GTPBP10: variants seen among roughly 807,000 people sequenced by gnomAD.
The protein encoded by GTPBP10 is GTP binding protein 10.
GTPBP10 carries 38 observed loss-of-function variants against 44.8 expected under a neutral mutation model. The ratio of observed to expected loss-of-function variants is 0.85; its 90% CI spans 0.65 to 1.11. The LOEUF (loss-of-function observed/expected upper bound fraction) is 1.11, where lower values mean the gene tolerates loss of function less well. Among genes scored for constraint, GTPBP10 ranks in the 50% most tolerant of loss-of-function variants. The pLI, the probability that GTPBP10 is intolerant of heterozygous loss-of-function variation, is 0.00. For missense variants in GTPBP10, 462 were observed against 453.7 expected, an observed-to-expected ratio of 1.02 and a Z score of -0.17; for synonymous variants, 152 against 150.6, an observed-to-expected ratio of 1.01 and a Z score of -0.07.
chr7:90,367,036 C>G (rs540255616), intron 4 of GTPBP10, among the ~76,000 whole-genome samples: 2 of 152,112 alleles, frequency 1.3e-5, no homozygotes, highest in African/African-American at 4.8e-5. Context: ...GCCTTCATTT[C>G]GTTATGTACC....
At chr7:90,375,757 C>T (rs990175679) in intron 6 of GTPBP10, among the ~76,000 whole-genome samples, 2 of 152,060 alleles carry the variant, frequency 1.3e-5, no homozygotes, top group South Asian at 2.1e-4. Context: ...CAAGGGATGT[C>T]GAGTACTGCC....
At chr7:90,351,400 C>T (rs1420494874) in intron 1 of GTPBP10, among the ~76,000 whole-genome samples, 1 of 152,064 alleles carries the variant, frequency 6.6e-6, no homozygotes, top group Non-Finnish European at 1.5e-5. Context: ...GGCAACATAG[C>T]AAAACCCCAT....
chr7:90,370,086 C>G (rs141622705), intron 4 of GTPBP10, among the ~76,000 whole-genome samples: 1 of 151,976 alleles, frequency 6.6e-6, no homozygotes, highest in Non-Finnish European at 1.5e-5. Flanking sequence ...GATGGGTACA[C>G]TAAAATTCAC....
At chr7:90,378,389 C>A (rs1796380584) in intron 8 of GTPBP10, 178 bp downstream of exon 8, 2 of 437,168 alleles carry the variant, frequency 4.6e-6, no homozygotes, top group African/African-American at 2.2e-5. Flanking sequence ...CCTCAAACTA[C>A]TGCAGTGGAT....
At chr7:90,372,980 C>G (rs1796287080) in intron 5 of GTPBP10, among the ~76,000 whole-genome samples, 1 of 152,048 alleles carries the variant, frequency 6.6e-6, no homozygotes, top group African/African-American at 2.4e-5. Context: ...GATGACTGCT[C>G]TAGGCTTCCT....
intron 4 of GTPBP10, among the ~76,000 whole-genome samples, chr7:90,357,124 G>A (rs1051773071): frequency 6.6e-6 from 1 of 152,158 alleles, no homozygotes; most frequent in African/African-American, 2.4e-5. Flanking sequence ...TAACAGATTT[G>A]TGCTGCTGTT....
chr7:90,354,741 A>G (rs1422671460), intron 3 of GTPBP10, among the ~76,000 whole-genome samples, 192 bp downstream of exon 3: 1 of 152,184 alleles, frequency 6.6e-6, no homozygotes, highest in East Asian at 1.9e-4. Context: ...AAGATGTTAC[A>G]GTTCTTACTT....
rs1269427784 is a variant in GTPBP10 at position 90,389,324 on chromosome 7, T to A, written c.*4170T>A. 2.6e-5 allele frequency: 4 copies of A among 152,202 alleles called. No homozygotes were observed. Among genetic ancestry groups the A allele is most frequent in the East Asian group, 3.8e-4 (2 of 5,202 alleles). The allele number at this position is 152,202 out of a possible 1,614,324, so 9.4% of individuals were successfully genotyped here. ...TTGCCTGCTAGCGATGTCATTTTTTTAAAGTTGGATGGTGAATACATGAGT... is the reference window on the plus strand; with the variant it reads ...TTGCCTGCTAGCGATGTCATTTTTTAAAAGTTGGATGGTGAATACATGAGT... On this transcript the variant is annotated 3_prime_UTR_variant, in exon 10 of 10. Coordinates refer to ENST00000222511, the MANE Select transcript of GTPBP10 (RefSeq NM_033107.4).
chr7:90,356,979 T>C (rs1241965568), intron 4 of GTPBP10, among the ~76,000 whole-genome samples: 1 of 152,224 alleles, frequency 6.6e-6, no homozygotes, highest in Non-Finnish European at 1.5e-5. Context: ...AGTGGAATGT[T>C]TAACATATTT....
In GTPBP10 at chr7:90,389,418, C is replaced by T. The variant is rs1256487958; in HGVS notation, c.*4264C>T. ...TTTTTTCCCCCCCCAGACGGAGTCT[C>T]GCTCTCTTGCCAGGCTGGAGTGCAG... On this transcript the variant is annotated 3_prime_UTR_variant, in exon 10 of 10. Coordinates refer to ENST00000222511, the MANE Select transcript of GTPBP10 (RefSeq NM_033107.4). The T allele has an allele frequency of 2.6e-5, 4 of 151,766 alleles. No homozygotes were observed. The highest frequency in any genetic ancestry group is 2.1e-4 in the South Asian group (1 of 4,808). The allele number at this position is 151,766 out of a possible 1,614,324, so 9.4% of individuals were successfully genotyped here.
intron 4 of GTPBP10, among the ~76,000 whole-genome samples, chr7:90,357,229 T>C (rs1327377571): frequency 6.6e-6 from 1 of 152,164 alleles, no homozygotes; most frequent in East Asian, 1.9e-4. Flanking sequence ...TATTCAGTCA[T>C]TAGCATCATC....
chr7:90,388,064 C>T lies in GTPBP10; in HGVS notation c.*2910C>T, dbSNP rs915680309. 5.9e-5 allele frequency: 9 copies of T among 152,004 alleles called. No individual in the cohort carries two copies. Among genetic ancestry groups the T allele is most frequent in the Non-Finnish European group, 8.8e-5 (6 of 68,020 alleles). The allele number at this position is 152,004 out of a possible 1,614,324, so 9.4% of individuals were successfully genotyped here. ...CCCAGGGTGCCACTCCATGACTAAC[C>T]GAAACATTTTATTATGTGACTCACT... is the stretch of plus-strand genomic sequence containing the variant. On this transcript the variant is annotated 3_prime_UTR_variant, in exon 10 of 10. Coordinates refer to ENST00000222511, the MANE Select transcript of GTPBP10 (RefSeq NM_033107.4).
rs181566942 is a variant in GTPBP10 at position 90,360,899 on chromosome 7, T to G, written c.464+5669T>G. Among the ~76,000 whole-genome samples, 1,052 of 152,306 alleles carry G rather than the reference T, an allele frequency of 6.9e-3. 14 individuals are homozygous for G. The highest frequency in any genetic ancestry group is 0.023 in the African/African-American group (938 of 41,568). On this transcript the variant is annotated intron_variant, in intron 4 of 9. Coordinates refer to ENST00000222511, the MANE Select transcript of GTPBP10 (RefSeq NM_033107.4). ...AGCTATTTTATTCTCTTTGAAGCAA[T>G]TGTGAATGGGCGTTCACTCATGATT...
At chr7:90,371,241 C>G in intron 4 of GTPBP10, 1 of 919,532 alleles carries the variant, frequency 1.1e-6, no homozygotes. Context: ...ACATTTTTTA[C>G]AATGTTGTTT....
chr7:90,353,966 A>G (rs1314391608), intron 2 of GTPBP10, among the ~76,000 whole-genome samples: 1 of 151,894 alleles, frequency 6.6e-6, no homozygotes, highest in Admixed American at 6.6e-5. Context: ...AGCTGAGACT[A>G]CGGGTATGTG....
In GTPBP10 at chr7:90,384,977, A is replaced by G; in HGVS notation, c.987A>G (p.Gly329=). ...TCATCCCCATATCTGCAGTTACTGG[A>G]GAAGGAATCGAAGAATTAAAGAATT... ...QHIIPISAVT[G]EGIEELKNCI... The change falls in exon 10 of 10, where the codon GGA becomes GGG. Residue 329 remains glycine (G), a synonymous_variant. Transcript: ENST00000222511. 1.2e-6 allele frequency: 2 copies of G among 1,613,746 alleles called. No homozygotes were observed. The highest frequency in any genetic ancestry group is 8.5e-7 in the Non-Finnish European group (1 of 1,179,732).
In GTPBP10 at chr7:90,383,047, A is replaced by G; in HGVS notation, c.869A>G (p.His290Arg). Residue 290 changes from histidine (H) to arginine (R), a missense_variant, in exon 9 of 10, where the codon CAT (histidine) becomes CGT (arginine). His to Arg is a conservative substitution (Grantham distance 29). Transcript: ENST00000222511. Reference protein sequence around the residue: ...MDLPDAQDKFHELMSQLQNPK... With the variant: ...MDLPDAQDKFRELMSQLQNPK... ...TTGCCAGATGCCCAAGATAAGTTCC[A>G]TGAATTGATGAGCCAGCTCCAGAAT... is the stretch of plus-strand genomic sequence containing the variant. 6.3e-7 allele frequency: 1 copy of G among 1,588,986 alleles called. No homozygotes were observed. The highest frequency in any genetic ancestry group is 8.6e-7 in the Non-Finnish European group (1 of 1,164,630).
chr7:90,365,580 T>G (rs987273166), intron 4 of GTPBP10, among the ~76,000 whole-genome samples: 1 of 151,382 alleles, frequency 6.6e-6, no homozygotes, highest in Non-Finnish European at 1.5e-5. Context: ...GTTTCACCGT[T>G]TTAGCCGGGA....
chr7:90,357,234 A>T (rs1795921284), intron 4 of GTPBP10, among the ~76,000 whole-genome samples: 1 of 152,186 alleles, frequency 6.6e-6, no homozygotes, highest in South Asian at 2.1e-4. Context: ...AGTCATTAGC[A>T]TCATCTTTCT....
Sources: gnomAD v4.1 joint callset for allele counts (sites outside exome capture counted in the v4.1 genomes callset) on GRCh38, gnomAD v4.1.1 for gene constraint, MANE v1.5 for transcripts, NCBI Gene and HGNC (gene_info 2026-07-23, HGNC 2026-07-21) for gene names.